Variants in SNX19 observed in about 807,000 individuals in gnomAD.
SNX19 encodes sorting nexin-19.
A neutral mutation model predicts 85.2 loss-of-function variants in SNX19; 60 were observed. The ratio of observed to expected loss-of-function variants is 0.70; its 90% CI spans 0.57 to 0.87. The LOEUF (loss-of-function observed/expected upper bound fraction) is 0.87, where lower values mean the gene tolerates loss of function less well. Among genes scored for constraint, SNX19 ranks in the 40% least tolerant of loss-of-function variants. SNX19 has a pLI of 0.00. For synonymous variants in SNX19, 520 were observed against 470.0 expected (o/e 1.11, Z -1.38); for missense variants, 1,201 against 1,217.8 (o/e 0.99, Z 0.21).
chr11:130,914,212 C>T, intron 1 of SNX19, 54 bp downstream of exon 1: 1 of 1,461,464 alleles, frequency 6.8e-7, no homozygotes, highest in Non-Finnish European at 9.2e-7. Flanking sequence ...TTCATGACTG[C>T]TTTCCAAACC....
Position 130,914,751 on chromosome 11 carries a change from T to C in SNX19, c.1189A>G (p.Arg397Gly). ...LMTPGSFLSD[R>G]IQDALCALES... The stretch of plus-strand genomic sequence containing the variant: ...AGGGCACACAGGGCATCCTGAATCC[T>C]GTCAGAGAGAAAGCTGCCTGGAGTC... Residue 397 changes from arginine (R) to glycine (G), a missense_variant, in exon 1 of 11, where the codon AGG becomes GGG. Arg to Gly is a moderately radical substitution (Grantham distance 125, BLOSUM62 -2). Around this residue, in one of 3 missense-constraint regions of SNX19, gnomAD observed 791 missense variants for 750.9 expected, o/e 1.05. Coordinates refer to ENST00000265909, the MANE Select transcript of SNX19 (RefSeq NM_014758.3). The C allele has an allele frequency of 6.2e-7, 1 of 1,614,184 alleles. No individual in the cohort carries two copies. Among genetic ancestry groups the C allele is most frequent in the Non-Finnish European group, 8.5e-7 (1 of 1,180,042 alleles).
Position 130,872,320 on chromosome 11 carries a change from G to A in SNX19, c.*6102C>T, listed in dbSNP as rs1305352173. ...GCATAGTGTGTCTGCCAAGGTCTGC[G>A]GGTGCCCAAATTTCCCCCACCGCTT... On this transcript the variant is annotated 3_prime_UTR_variant, in exon 11 of 11. Coordinates refer to ENST00000265909, the MANE Select transcript of SNX19 (RefSeq NM_014758.3). 6.6e-6 allele frequency among the ~76,000 whole-genome samples: 1 copy of A among 152,094 alleles called. No homozygotes were observed. The highest frequency in any genetic ancestry group is 1.5e-5 in the Non-Finnish European group (1 of 68,014).
At position 130,874,873 on chromosome 11, in the gene SNX19, G is replaced by T. The variant is rs1943161384; in HGVS notation, c.*3549C>A. On this transcript the variant is annotated 3_prime_UTR_variant, in exon 11 of 11. Transcript: ENST00000265909. ...GAAAAAACAAAACATTACAAGTGTTGGAGAGGATGTGGAGAAACTGGAACC... is the reference window on the plus strand; with the variant it reads ...GAAAAAACAAAACATTACAAGTGTTTGAGAGGATGTGGAGAAACTGGAACC... Among the ~76,000 whole-genome samples, 1 of 152,228 alleles carries T rather than the reference G, an allele frequency of 6.6e-6. No individual in the cohort carries two copies. Among genetic ancestry groups the T allele is most frequent in the Admixed American group, 6.5e-5 (1 of 15,286 alleles).
At chr11:130,908,158 C>A in intron 4 of SNX19, 75 bp from the exon 5 acceptor site, 1 of 1,550,778 alleles carries the variant, frequency 6.4e-7, no homozygotes, top group Non-Finnish European at 8.7e-7. Context: ...AGTCGCCTCA[C>A]AGCACTTTAT....
In SNX19 at chr11:130,878,109, G is replaced by A. The variant is rs1851625771; in HGVS notation, c.*313C>T. The A allele has an allele frequency of 4.8e-6, 1 of 208,504 alleles. No individual in the cohort carries two copies. The highest frequency in any genetic ancestry group is 2.3e-5 in the African/African-American group (1 of 44,020). The allele number at this position is 208,504 out of a possible 1,614,324, so 12.9% of individuals were successfully genotyped here. ...GATTCTGGCAAACAATCTCAGGGAGGATGGCAAAAGGAGAAGCAAAAGGGG... is the reference window on the plus strand; with the variant it reads ...GATTCTGGCAAACAATCTCAGGGAGAATGGCAAAAGGAGAAGCAAAAGGGG... On this transcript the variant is annotated 3_prime_UTR_variant, in exon 11 of 11. Transcript: ENST00000265909.
In SNX19 at chr11:130,915,291, T is replaced by A. The variant is rs780117300; in HGVS notation, c.649A>T (p.Asn217Tyr). ...AEVTYTRGVVNLLLQGLVPKP... is the reference protein window; with the variant it reads ...AEVTYTRGVVYLLLQGLVPKP... The stretch of plus-strand genomic sequence containing the variant: ...GGCACCAGCCCTTGAAGCAACAAAT[T>A]CACAACGCCACGCGTATAGGTGACT... The change falls in exon 1 of 11, where the codon AAT becomes TAT. Residue 217 changes from asparagine to tyrosine, a missense_variant. Physicochemically the swap from Asn to Tyr is moderately radical, Grantham distance 143. Around this residue, in one of 3 missense-constraint regions of SNX19, gnomAD observed 791 missense variants for 750.9 expected, o/e 1.05. Coordinates refer to ENST00000265909, the MANE Select transcript of SNX19 (RefSeq NM_014758.3). 9.9e-6 allele frequency: 16 copies of A among 1,614,062 alleles called. No homozygotes were observed. The highest frequency in any genetic ancestry group is 1.4e-5 in the Non-Finnish European group (16 of 1,180,040).
At chr11:130,895,844 C>G (rs1329185126) in intron 8 of SNX19, among the ~76,000 whole-genome samples, 1 of 152,148 alleles carries the variant, frequency 6.6e-6, no homozygotes, top group African/African-American at 2.4e-5. Context: ...TGTCTTCATC[C>G]TAAGATGGGT....
At chr11:130,890,428 T>C (rs1306081094) in intron 8 of SNX19, among the ~76,000 whole-genome samples, 1 of 152,198 alleles carries the variant, frequency 6.6e-6, no homozygotes, top group Admixed American at 6.5e-5. Context: ...TTTTTCTCAA[T>C]TGCAAATTTG....
chr11:130,896,173 T>C (rs900625993), intron 8 of SNX19, among the ~76,000 whole-genome samples: 2 of 152,204 alleles, frequency 1.3e-5, no homozygotes, highest in Admixed American at 1.3e-4. Flanking sequence ...AAAGTATGCG[T>C]ATTTCTAGAA....
At chr11:130,887,901 G>C (rs1180455239) in intron 8 of SNX19, among the ~76,000 whole-genome samples, 1 of 152,182 alleles carries the variant, frequency 6.6e-6, no homozygotes, top group East Asian at 1.9e-4. Context: ...CTTTTAAAAT[G>C]ATGTGCCCAG....
Position 130,916,116 on chromosome 11 carries a change from G to C in SNX19, c.-177C>G, listed in dbSNP as rs1946569704. ...ACTGCAAAGCGACAGCTGCAGCTCC[G>C]CGTCTCCCCATGGCTACCACTAACA... On this transcript the variant is annotated 5_prime_UTR_variant, in exon 1 of 11. Coordinates refer to ENST00000265909, the MANE Select transcript of SNX19 (RefSeq NM_014758.3). 3.3e-6 allele frequency: 2 copies of C among 610,258 alleles called. No homozygotes were observed. The allele number at this position is 610,258 out of a possible 1,614,324, so 37.8% of individuals were successfully genotyped here. A position where few individuals can be genotyped will look rare whatever the true frequency, so the allele number is the denominator to read the frequency against.
At chr11:130,889,365 G>A (rs190315795) in intron 8 of SNX19, among the ~76,000 whole-genome samples, 22 of 152,108 alleles carry the variant, frequency 1.4e-4, no homozygotes, top group African/African-American at 4.8e-4. Flanking sequence ...CAAAGCATTG[G>A]TTGAGCTTCT....
Position 130,911,799 on chromosome 11 carries a change from A to C in SNX19, c.1675-28T>G, listed in dbSNP as rs147079822. 1,923 of 1,608,618 alleles carry C rather than the reference A, an allele frequency of 1.2e-3. 14 individuals are homozygous for C. The African/African-American group carries it at 0.023, about 20-fold the overall frequency. On this transcript the variant is annotated intron_variant, in intron 1 of 10. Transcript: ENST00000265909. ...GTTCAACGAACAAATTGATTGACTC[A>C]ATCAGCCGGGTTTCAGCAATCTTCT...
At position 130,914,418 on chromosome 11, in the gene SNX19, G is replaced by A. The variant is rs185048752; in HGVS notation, c.1522C>T (p.Pro508Ser). 10 of 1,613,960 alleles carry A rather than the reference G, an allele frequency of 6.2e-6. No homozygotes were observed. In the East Asian group the frequency reaches 2.2e-4, roughly 36 times the overall value. The change falls in exon 1 of 11, where the codon CCT (proline) becomes TCT (serine). Residue 508 changes from proline to serine, a missense_variant. Coordinates refer to ENST00000265909, the MANE Select transcript of SNX19 (RefSeq NM_014758.3). Reference sequence around the variant, plus strand: ...AAGGTGGCTGAGCTGAGAGGACCAGGTGGAGAGGAGGAAAGCAGAACTGGT... The same window carrying A: ...AAGGTGGCTGAGCTGAGAGGACCAGATGGAGAGGAGGAAAGCAGAACTGGT... ...LPPVLLSSSP[P>S]GPLSSATFSF...
intron 7 of SNX19, among the ~76,000 whole-genome samples, chr11:130,904,712 T>C (rs1592348674): frequency 6.8e-6 from 1 of 145,996 alleles, no homozygotes; most frequent in Non-Finnish European, 1.5e-5. Context: ...TTGTTTTTTA[T>C]AATCATATGA....
intron 7 of SNX19, among the ~76,000 whole-genome samples, chr11:130,904,320 A>T (rs1353076899): frequency 6.6e-6 from 1 of 152,232 alleles, no homozygotes; most frequent in Non-Finnish European, 1.5e-5. Context: ...TTGTTAGTGT[A>T]GGACAAACGG....
chr11:130,908,486 G>A (rs1945846071), intron 4 of SNX19: 1 of 159,900 alleles, frequency 6.3e-6, no homozygotes, highest in Non-Finnish European at 1.4e-5. Flanking sequence ...ATAGGTAGGA[G>A]TATAAAGAGA....
rs955064380 is a variant in SNX19 at position 130,877,624 on chromosome 11, A to G, written c.*798T>C. 6.6e-6 allele frequency: 1 copy of G among 152,586 alleles called. No individual in the cohort carries two copies. Among genetic ancestry groups the G allele is most frequent in the Non-Finnish European group, 1.5e-5 (1 of 68,056 alleles). The allele number at this position is 152,586 out of a possible 1,614,324, so 9.5% of individuals were successfully genotyped here. On this transcript the variant is annotated 3_prime_UTR_variant, in exon 11 of 11. Transcript: ENST00000265909. ...AGACAGAGAGAGGGTCAAAAATTCA[A>G]AAACTCAATTGCTCTAGGGCAGGGG... is the stretch of plus-strand genomic sequence containing the variant.
intron 8 of SNX19, among the ~76,000 whole-genome samples, chr11:130,894,209 A>G (rs1334779591): frequency 6.6e-6 from 1 of 152,180 alleles, no homozygotes; most frequent in African/African-American, 2.4e-5. Flanking sequence ...ATATTAACAA[A>G]ATTCTTGCAA....
Sources: gnomAD v4.1 joint callset for allele counts (sites outside exome capture counted in the v4.1 genomes callset) on GRCh38, gnomAD v4.1.1 for gene constraint, gnomAD v4.1.1 regional missense constraint, MANE v1.5 for transcripts, NCBI Gene and HGNC (gene_info 2026-07-23, HGNC 2026-07-21) for gene names.